DSE: variants seen among roughly 807,000 people sequenced by gnomAD.
The protein encoded by DSE is dermatan sulfate epimerase, also known as dermatan-sulfate epimerase.
DSE carries 36 observed loss-of-function variants against 84.4 expected under a neutral mutation model. That is an observed-to-expected ratio of 0.43 (90% CI 0.33 to 0.56). The LOEUF (loss-of-function observed/expected upper bound fraction) is 0.56, where lower values mean the gene tolerates loss of function less well. Ranked by LOEUF, DSE falls within the 20% of genes least tolerant of loss-of-function variation. DSE has a pLI of 0.06. For missense variants in DSE, 862 were observed against 1,169.6 expected, an observed-to-expected ratio of 0.74 and a Z score of 3.84; for synonymous variants, 410 against 430.1, an observed-to-expected ratio of 0.95 and a Z score of 0.58.
intron 1 of DSE, among the ~76,000 whole-genome samples, chr6:116,397,807 TAAAATGTTTTACAAAACCA>T (rs1781355975): frequency 6.6e-6 from 1 of 152,224 alleles, no homozygotes; most frequent in African/African-American, 2.4e-5. Flanking sequence ...GAAATAAATG[TAAAATGTTTTACAAAACCA>T]AAACCACTGC....
intron 2 of DSE, chr6:116,278,707 C>T (rs1366072220): frequency 1.2e-6 from 2 of 1,614,160 alleles, no homozygotes; most frequent in Non-Finnish European, 1.7e-6. Flanking sequence ...GAAGAAGCTG[C>T]AGATGAGGTC....
chr6:116,268,127 A>G (rs9374596), intron 2 of DSE, among the ~76,000 whole-genome samples: 17,280 of 152,282 alleles, frequency 0.11, 1,427 homozygotes, highest in East Asian at 0.38. Flanking sequence ...TTCCAGTCCT[A>G]CAGGCTCCAT....
chr6:116,334,075 A>T (rs1777101792), intron 2 of DSE, among the ~76,000 whole-genome samples: 2 of 152,168 alleles, frequency 1.3e-5, no homozygotes, highest in African/African-American at 4.8e-5. Context: ...TACTTAGTGA[A>T]CATTGTCGTA....
intron 2 of DSE, chr6:116,279,335 C>A: frequency 3.1e-6 from 5 of 1,611,152 alleles, no homozygotes; most frequent in Non-Finnish European, 4.2e-6. Flanking sequence ...TCAGCCACGG[C>A]TGCTGAGACG....
chr6:116,254,386 G>C (rs1469237335), intron 1 of DSE: 5 of 477,226 alleles, frequency 1.0e-5, no homozygotes, highest in Non-Finnish European at 2.1e-5. Context: ...ACTTTAAGGT[G>C]AGTTACTGTC....
At chr6:116,423,697 A>G (rs1374528018) in intron 2 of DSE, among the ~76,000 whole-genome samples, 3 of 152,230 alleles carry the variant, frequency 2.0e-5, no homozygotes, top group Non-Finnish European at 4.4e-5. Context: ...TCCATGAACT[A>G]AGAGCAAATT....
chr6:116,388,489 C>T (rs1229952899), intron 1 of DSE, among the ~76,000 whole-genome samples: 1 of 152,078 alleles, frequency 6.6e-6, no homozygotes, highest in Non-Finnish European at 1.5e-5. Flanking sequence ...AAAACTATCA[C>T]AACTGGTAAG....
Position 116,258,443 on chromosome 6 carries a change from T to A in DSE, c.-575-3T>A. ...GTTGTAATTTTTTTGCTTTTTTTGGTAGGGCTGCCCTGAAGGGCAGACAGG... is the reference window on the plus strand; with the variant it reads ...GTTGTAATTTTTTTGCTTTTTTTGGAAGGGCTGCCCTGAAGGGCAGACAGG... On this transcript the variant is annotated splice_region_variant and splice_polypyrimidine_tract_variant and intron_variant, in intron 1 of 3. Coordinates refer to the DSE transcript ENST00000430252. The A allele has an allele frequency of 3.7e-6, 3 of 810,540 alleles. No individual in the cohort carries two copies. In the South Asian group the frequency reaches 4.1e-5, roughly 11 times the overall value. 50.2% of individuals were successfully genotyped at this position (810,540 alleles called of 1,614,324 possible).
chr6:116,418,818 C>A lies in DSE; in HGVS notation c.417-7756C>A, dbSNP rs1432670375. Among the ~76,000 whole-genome samples the A allele has an allele frequency of 1.2e-4, 18 of 152,188 alleles. 1 individual carries two copies. On this transcript the variant is annotated intron_variant, in intron 2 of 5. Coordinates refer to ENST00000644252, the MANE Select transcript of DSE (RefSeq NM_013352.4). ...AGATAATTCTGGATTCCATTCTCAG[C>A]TTCACTGTTTAACTGTGTGGCTCTG...
chr6:116,373,923 A>C (rs1159291603), intron 1 of DSE, among the ~76,000 whole-genome samples: 1 of 152,236 alleles, frequency 6.6e-6, no homozygotes, highest in Non-Finnish European at 1.5e-5. Context: ...ACTCAATAGT[A>C]TTATTTCAAT....
chr6:116,431,146 C>A lies in DSE; in HGVS notation c.863C>A (p.Pro288Gln). The A allele has an allele frequency of 6.2e-7, 1 of 1,614,106 alleles. No individual in the cohort carries two copies. Among genetic ancestry groups the A allele is most frequent in the South Asian group, 1.1e-5 (1 of 91,064 alleles). The change falls in exon 4 of 6, where the codon CCG becomes CAG. Residue 288 changes from proline to glutamine, a missense_variant. By Grantham distance (76) the Pro-to-Gln change is moderately conservative (BLOSUM62 -1). This residue lies in a region of DSE where 309 missense variants were observed against 516.9 expected (regional missense o/e 0.60). Coordinates refer to ENST00000644252, the MANE Select transcript of DSE (RefSeq NM_013352.4). The stretch of plus-strand genomic sequence containing the variant: ...TTCAACATCAACCACTTTGGCCATC[C>A]GTGGCTTAAACAACACTTTGCATTT... The part of the protein sequence containing the change: ...RHFNINHFGH[P>Q]WLKQHFAFMY...
Position 116,442,475 on chromosome 6 carries a change from T to C in DSE, c.*5130T>C, listed in dbSNP as rs1784460065. On this transcript the variant is annotated 3_prime_UTR_variant, in exon 6 of 6. Coordinates refer to ENST00000644252, the MANE Select transcript of DSE (RefSeq NM_013352.4). ...AGGCTGTGGCTGAAGATGTAATTGT[T>C]GGTGCCTTCTTAAAGGTTAAACAGA... is the stretch of plus-strand genomic sequence containing the variant. 1.3e-5 allele frequency: 2 copies of C among 152,208 alleles called. No individual in the cohort carries two copies. Among genetic ancestry groups the C allele is most frequent in the Non-Finnish European group, 2.9e-5 (2 of 68,060 alleles). The allele number at this position is 152,208 out of a possible 1,614,324, so 9.4% of individuals were successfully genotyped here. A position where few individuals can be genotyped will look rare whatever the true frequency, so the allele number is the denominator to read the frequency against.
intron 2 of DSE, among the ~76,000 whole-genome samples, chr6:116,332,192 AAAAT>A (rs1228522425): frequency 1.3e-5 from 2 of 152,226 alleles, no homozygotes; most frequent in African/African-American, 4.8e-5. Context: ...TTAAAACCTA[AAAAT>A]AAATATTTTA....
In DSE at chr6:116,363,033, C is replaced by T. The variant is rs189642993; in HGVS notation, c.-53-36165C>T. Among the ~76,000 whole-genome samples, 255 of 152,224 alleles carry T rather than the reference C, an allele frequency of 1.7e-3. 3 individuals carry two copies. Among genetic ancestry groups the T allele is most frequent in the African/African-American group, 5.4e-3 (224 of 41,542 alleles). On this transcript the variant is annotated intron_variant, in intron 2 of 3. Transcript: ENST00000430252. ...TCTAGGGTCAATTTAGTCCTAGAAC[C>T]TAGAACTTTCAGTTTCCAGAATTAA...
At chr6:116,343,327 A>C (rs1192442258) in intron 2 of DSE, among the ~76,000 whole-genome samples, 1 of 152,230 alleles carries the variant, frequency 6.6e-6, no homozygotes, top group Non-Finnish European at 1.5e-5. Flanking sequence ...TTGTGATCTG[A>C]GAATGGACAG....
chr6:116,335,024 A>G (rs536844446), intron 2 of DSE, among the ~76,000 whole-genome samples: 1 of 152,252 alleles, frequency 6.6e-6, no homozygotes, highest in Non-Finnish European at 1.5e-5. Context: ...TCATTACTGT[A>G]TATATACTCA....
chr6:116,442,123 G>C lies in DSE; in HGVS notation c.*4778G>C, dbSNP rs1562320919. 6.6e-6 allele frequency: 1 copy of C among 152,276 alleles called. No homozygotes were observed. The highest frequency in any genetic ancestry group is 2.1e-4 in the South Asian group (1 of 4,828). 9.4% of individuals were successfully genotyped at this position (152,276 alleles called of 1,614,324 possible). On this transcript the variant is annotated 3_prime_UTR_variant, in exon 6 of 6. Coordinates refer to ENST00000644252, the MANE Select transcript of DSE (RefSeq NM_013352.4). ...GAATGAATCACAGGGACATCTAAGAGAGAGGAGCATTCCAGATAGAACAGC... is the reference window on the plus strand; with the variant it reads ...GAATGAATCACAGGGACATCTAAGACAGAGGAGCATTCCAGATAGAACAGC...
At chr6:116,419,623 G>C (rs375250160) in intron 2 of DSE, among the ~76,000 whole-genome samples, 40 of 152,206 alleles carry the variant, frequency 2.6e-4, no homozygotes, top group Middle Eastern at 3.2e-3. Flanking sequence ...AGCAAAGCTG[G>C]CAAATGGGAA....
chr6:116,433,900 T>G (rs914757718), intron 5 of DSE, among the ~76,000 whole-genome samples: 1 of 152,178 alleles, frequency 6.6e-6, no homozygotes, highest in Non-Finnish European at 1.5e-5. Flanking sequence ...TGTCCTACAC[T>G]TGCACTATTT....
Sources: gnomAD v4.1 joint callset for allele counts (sites outside exome capture counted in the v4.1 genomes callset) on GRCh38, gnomAD v4.1.1 for gene constraint, gnomAD v4.1.1 regional missense constraint, MANE v1.5 for transcripts, NCBI Gene and HGNC (gene_info 2026-07-23, HGNC 2026-07-21) for gene names.